SPAG16: variants seen among roughly 807,000 people sequenced by gnomAD.
SPAG16 encodes the protein sperm-associated antigen 16 protein.
A neutral mutation model predicts 80.4 loss-of-function variants in SPAG16; 86 were observed. The ratio of observed to expected loss-of-function variants is 1.07; its 90% CI spans 0.90 to 1.28. SPAG16 has a LOEUF of 1.28. Ranked by LOEUF, SPAG16 falls within the 50% of genes most tolerant of loss-of-function variation. SPAG16 has a pLI of 0.00. For synonymous variants in SPAG16, 294 were observed against 265.9 expected (o/e 1.11, Z -1.03); for missense variants, 870 against 765.3 (o/e 1.14, Z -1.61).
intron 15 of SPAG16, among the ~76,000 whole-genome samples, chr2:214,236,944 A>G (rs1187901087): frequency 6.6e-6 from 1 of 152,174 alleles, no homozygotes; most frequent in African/African-American, 2.4e-5. Context: ...GGCATTACTC[A>G]TTTTATTTAT....
intron 15 of SPAG16, among the ~76,000 whole-genome samples, chr2:214,194,370 A>T (rs2057764166): frequency 6.6e-6 from 1 of 152,060 alleles, no homozygotes; most frequent in Non-Finnish European, 1.5e-5. Context: ...ACTTGCTCAG[A>T]AACACTATAC....
chr2:214,001,148 G>C (rs946300637), intron 12 of SPAG16, among the ~76,000 whole-genome samples: 2 of 152,112 alleles, frequency 1.3e-5, no homozygotes, highest in Non-Finnish European at 2.9e-5. Context: ...TTTAGAAGAG[G>C]TTTTTGAATT....
intron 15 of SPAG16, among the ~76,000 whole-genome samples, chr2:214,261,391 G>A (rs1403796707): frequency 6.6e-6 from 1 of 151,934 alleles, no homozygotes; most frequent in Non-Finnish European, 1.5e-5. Context: ...CTAGTCTGGC[G>A]GCTAAGAAAG....
At chr2:213,425,114 G>C (rs1812884) in intron 9 of SPAG16, among the ~76,000 whole-genome samples, 40,000 of 150,036 alleles carry the variant, frequency 0.27, 6,119 homozygotes, top group Middle Eastern at 0.45. Flanking sequence ...ACGAGGTCAG[G>C]AGATTGAGAC....
intron 10 of SPAG16, among the ~76,000 whole-genome samples, chr2:213,738,217 TTACATGGGGGA>T (rs1237936390): frequency 6.6e-6 from 1 of 152,184 alleles, no homozygotes; most frequent in East Asian, 1.9e-4. Flanking sequence ...TAGTCCGTCT[TTACATGGGGGA>T]TACATTTCAA....
chr2:213,840,304 T>C (rs1003785345), intron 10 of SPAG16, among the ~76,000 whole-genome samples: 3 of 152,120 alleles, frequency 2.0e-5, no homozygotes, highest in Non-Finnish European at 2.9e-5. Flanking sequence ...CCAGAAGACA[T>C]TATACTGTTC....
At chr2:214,079,401 T>G (rs2051250581) in intron 13 of SPAG16, among the ~76,000 whole-genome samples, 1 of 152,230 alleles carries the variant, frequency 6.6e-6, no homozygotes, top group Non-Finnish European at 1.5e-5. Flanking sequence ...TCTCTTTGTT[T>G]GAATAATTTG....
intron 15 of SPAG16, among the ~76,000 whole-genome samples, chr2:214,265,430 T>C (rs967800328): frequency 1.3e-5 from 2 of 152,234 alleles, no homozygotes; most frequent in Admixed American, 6.5e-5. Flanking sequence ...TGCAGATCTT[T>C]TGCACACTTT....
intron 10 of SPAG16, among the ~76,000 whole-genome samples, chr2:213,706,804 T>G (rs1393298653): frequency 6.6e-6 from 1 of 152,214 alleles, no homozygotes; most frequent in Non-Finnish European, 1.5e-5. Flanking sequence ...GGCTTGAAGT[T>G]TCATGAGATT....
chr2:214,368,279 C>A (rs148767494), intron 15 of SPAG16, among the ~76,000 whole-genome samples: 1 of 152,166 alleles, frequency 6.6e-6, no homozygotes, highest in Non-Finnish European at 1.5e-5. Context: ...ACATTTCATT[C>A]TGCTTCCAAC....
At chr2:213,941,361 G>A (rs2079189558) in intron 12 of SPAG16, among the ~76,000 whole-genome samples, 2 of 152,056 alleles carry the variant, frequency 1.3e-5, no homozygotes, top group African/African-American at 2.4e-5. Flanking sequence ...TGTAATGAAT[G>A]TTAAGCATGT....
At chr2:213,455,038 A>G (rs1000150463) in intron 9 of SPAG16, among the ~76,000 whole-genome samples, 60 of 152,184 alleles carry the variant, frequency 3.9e-4, no homozygotes, top group African/African-American at 1.3e-3. Context: ...AATATAGTGG[A>G]AAAATTATTT....
intron 6 of SPAG16, among the ~76,000 whole-genome samples, chr2:213,344,157 A>G (rs1317805113): frequency 6.6e-6 from 1 of 152,126 alleles, no homozygotes; most frequent in Non-Finnish European, 1.5e-5. Flanking sequence ...CACTTCTTAA[A>G]ATATCTTTCC....
chr2:214,394,604 T>A lies in SPAG16; in HGVS notation c.1721-15536T>A, dbSNP rs140709344. ...TTTGTCTTTTTAGATCAGTTTTAGT[T>A]TCACAGAAAAATTGAAAGTACAGAG... is the stretch of plus-strand genomic sequence containing the variant. On this transcript the variant is annotated intron_variant, in intron 15 of 15. Transcript: ENST00000331683. Among the ~76,000 whole-genome samples, 928 of 152,288 alleles carry A rather than the reference T, an allele frequency of 6.1e-3. 9 individuals are homozygous for A. Among genetic ancestry groups the A allele is most frequent in the South Asian group, 0.014 (67 of 4,826 alleles).
intron 11 of SPAG16, among the ~76,000 whole-genome samples, chr2:213,911,464 G>A (rs1480863736): frequency 1.3e-5 from 2 of 152,134 alleles, no homozygotes; most frequent in Non-Finnish European, 2.9e-5. Flanking sequence ...AAGCTCTTAT[G>A]TTTCTATAGT....
intron 15 of SPAG16, among the ~76,000 whole-genome samples, chr2:214,271,618 T>G (rs1489270942): frequency 1.3e-5 from 2 of 152,016 alleles, no homozygotes; most frequent in Admixed American, 1.3e-4. Flanking sequence ...CTGGCCAACA[T>G]GGAAAACCCT....
At chr2:213,312,267 A>G (rs1353050235) in intron 4 of SPAG16, among the ~76,000 whole-genome samples, 1 of 151,702 alleles carries the variant, frequency 6.6e-6, no homozygotes, top group Non-Finnish European at 1.5e-5. Flanking sequence ...AAAAGTTTCC[A>G]TTGCAGGTTT....
At chr2:213,367,298 ATACCCAG>A (rs1368064978) in intron 8 of SPAG16, among the ~76,000 whole-genome samples, 5 of 151,770 alleles carry the variant, frequency 3.3e-5, no homozygotes, top group African/African-American at 7.3e-5. Flanking sequence ...CTTTGGGTAT[ATACCCAG>A]TAATGGGATC....
chr2:213,836,838 T>C (rs2074113996), intron 10 of SPAG16, among the ~76,000 whole-genome samples: 1 of 152,188 alleles, frequency 6.6e-6, no homozygotes, highest in African/African-American at 2.4e-5. Context: ...GGTCTCAAAC[T>C]CCTGACCTCA....
Sources: gnomAD v4.1 joint callset for allele counts (sites outside exome capture counted in the v4.1 genomes callset) on GRCh38, gnomAD v4.1.1 for gene constraint, MANE v1.5 for transcripts, NCBI Gene and HGNC (gene_info 2026-07-23, HGNC 2026-07-21) for gene names.